Variants in PUM3 observed in about 807,000 individuals in gnomAD.
PUM3 encodes pumilio RNA binding family member 3.
A neutral mutation model predicts 84.0 loss-of-function variants in PUM3; 91 were observed. That is an observed-to-expected ratio of 1.08 (90% CI 0.91 to 1.29). PUM3 has a LOEUF of 1.29. Ranked by LOEUF, PUM3 falls within the 50% of genes most tolerant of loss-of-function variation. PUM3 has a pLI of 0.00. For synonymous variants in PUM3, 321 were observed against 266.7 expected (o/e 1.20, Z -1.98); for missense variants, 1,067 against 767.5 (o/e 1.39, Z -4.61).
At chr9:2,814,431 G>A (rs57047501) in intron 13 of PUM3, among the ~76,000 whole-genome samples, 418 of 152,100 alleles carry the variant, frequency 2.7e-3, no homozygotes, top group African/African-American at 9.5e-3. Flanking sequence ...GGCTGGTCTC[G>A]AACTCCTAAC....
chr9:2,817,416 T>C (rs1821494572), intron 13 of PUM3, among the ~76,000 whole-genome samples: 1 of 152,138 alleles, frequency 6.6e-6, no homozygotes, highest in Non-Finnish European at 1.5e-5. Context: ...CAAGAATACA[T>C]GATAGGACCA....
chr9:2,841,214 G>A (rs1000570036), intron 1 of PUM3, among the ~76,000 whole-genome samples: 3 of 152,196 alleles, frequency 2.0e-5, no homozygotes, highest in East Asian at 3.9e-4. Context: ...CCTGTACCCC[G>A]TGAGAAATAA....
chr9:2,805,310 G>C (rs1821237637), intron 17 of PUM3, among the ~76,000 whole-genome samples: 1 of 152,192 alleles, frequency 6.6e-6, no homozygotes, highest in Admixed American at 6.5e-5. Flanking sequence ...AGGAGCCATA[G>C]AGGCTGGTAA....
At chr9:2,830,141 T>C (rs1182689870) in intron 7 of PUM3, among the ~76,000 whole-genome samples, 193 bp from the exon 8 acceptor site, 1 of 152,108 alleles carries the variant, frequency 6.6e-6, no homozygotes, top group Non-Finnish European at 1.5e-5. Flanking sequence ...TATTAAACTG[T>C]TCTGCTCGAA....
In PUM3 at chr9:2,812,370, A is replaced by T. The variant is rs184570903; in HGVS notation, c.1270-8T>A. The T allele has an allele frequency of 1.3e-6, 2 of 1,524,734 alleles. No individual in the cohort carries two copies. Among genetic ancestry groups the T allele is most frequent in the Non-Finnish European group, 1.8e-6 (2 of 1,114,544 alleles). The allele number at this position is 1,524,734 out of a possible 1,614,324, so 94.5% of individuals were successfully genotyped here. On this transcript the variant is annotated splice_polypyrimidine_tract_variant and splice_region_variant and intron_variant, in intron 13 of 17. Coordinates refer to ENST00000397885, the MANE Select transcript of PUM3 (RefSeq NM_014878.5). ...CAATGAACTGATAATTTCCTATAAAATTATAAACAAAAAAAAAGAATCAAT... is the reference window on the plus strand; with the variant it reads ...CAATGAACTGATAATTTCCTATAAATTTATAAACAAAAAAAAAGAATCAAT...
chr9:2,822,823 A>C (rs1345232025), intron 12 of PUM3, among the ~76,000 whole-genome samples: 1 of 150,340 alleles, frequency 6.7e-6, no homozygotes, highest in African/African-American at 2.4e-5. Flanking sequence ...TGAATTATAA[A>C]AAATATGAGA....
rs755513949 is a variant in PUM3, at chr9:2,811,409, G to A, written c.1587C>T (p.Ile529=). The stretch of plus-strand genomic sequence containing the variant: ...GCAGTCCTGTTGCTGCCAAGCTGGC[G>A]ATGGCATTCATGGTAGGCTGAACGT... ...TGDVQPTMNA[I]ASLAATGLHP... The change falls in exon 15 of 18, where the codon ATC becomes ATT. Residue 529 remains isoleucine (I), a synonymous_variant. Transcript: ENST00000397885. The A allele has an allele frequency of 8.7e-6, 14 of 1,614,122 alleles. No homozygotes were observed. The highest frequency in any genetic ancestry group is 4.0e-5 in the African/African-American group (3 of 75,018).
chr9:2,825,625 G>A (rs1387397714), intron 10 of PUM3, among the ~76,000 whole-genome samples: 1 of 152,034 alleles, frequency 6.6e-6, no homozygotes, highest in African/African-American at 2.4e-5. Flanking sequence ...TGGGGCTACA[G>A]GTGCCCGCCA....
chr9:2,837,153 T>C (rs1184479231), intron 3 of PUM3, 27 bp downstream of exon 3: 4 of 1,583,366 alleles, frequency 2.5e-6, no homozygotes, highest in Non-Finnish European at 3.5e-6. Flanking sequence ...CAGGCACTAG[T>C]TCAGGCATGA....
rs148383025 is a variant in PUM3, at chr9:2,824,796, C to T, written c.1055G>A (p.Arg352His). The change falls in exon 11 of 18, where the codon CGC becomes CAC. Residue 352 changes from arginine (R) to histidine (H), a missense_variant. Coordinates refer to ENST00000397885, the MANE Select transcript of PUM3 (RefSeq NM_014878.5). ...KLRSEMIEAI[R>H]EAVVYLAHTH... ...GTGTGCCAGGTAGACCACCGCTTCG[C>T]GGATGGCTTCAATCATTTCCTAGGG... is the stretch of plus-strand genomic sequence containing the variant. The T allele has an allele frequency of 1.4e-4, 227 of 1,571,948 alleles. No homozygotes were observed. The highest frequency in any genetic ancestry group is 1.3e-4 in the South Asian group (11 of 85,810).
intron 1 of PUM3, among the ~76,000 whole-genome samples, chr9:2,843,811 C>A (rs1319313045): frequency 1.3e-5 from 2 of 151,976 alleles, no homozygotes; most frequent in Non-Finnish European, 2.9e-5. Flanking sequence ...ATCTCCTGAC[C>A]TTGTGATCCG....
Position 2,811,432 on chromosome 9 carries a change from C to T in PUM3, c.1564G>A (p.Val522Ile), listed in dbSNP as rs377439229. 2.0e-5 allele frequency: 32 copies of T among 1,614,040 alleles called. No homozygotes were observed. The East Asian group carries it at 5.8e-4, about 29-fold the overall frequency. The change falls in exon 15 of 18, where the codon GTT (valine) becomes ATT (isoleucine). Residue 522 changes from valine (V) to isoleucine (I), a missense_variant. Physicochemically the swap from Val to Ile is conservative, Grantham distance 29. Coordinates refer to ENST00000397885, the MANE Select transcript of PUM3 (RefSeq NM_014878.5). ...SDILGSATGD[V>I]QPTMNAIASL... is the part of the protein sequence containing the mutation. ...GCGATGGCATTCATGGTAGGCTGAA[C>T]GTCTCCAGTGGCAGATCCCAGAATG...
At chr9:2,835,827 G>C (rs1816105803) in intron 3 of PUM3, among the ~76,000 whole-genome samples, 1 of 152,110 alleles carries the variant, frequency 6.6e-6, no homozygotes, top group Non-Finnish European at 1.5e-5. Flanking sequence ...ATGAAATCCA[G>C]AGTCCCATTT....
intron 5 of PUM3, 37 bp from the exon 6 acceptor site, chr9:2,831,381 T>G (rs1007165507): frequency 7.9e-7 from 1 of 1,270,240 alleles, no homozygotes; most frequent in Non-Finnish European, 1.1e-6. Flanking sequence ...AATTCTCTTT[T>G]GAGACTTATG....
intron 13 of PUM3, among the ~76,000 whole-genome samples, chr9:2,816,718 T>C (rs1012534584): frequency 4.6e-5 from 7 of 152,116 alleles, no homozygotes; most frequent in African/African-American, 1.7e-4. Flanking sequence ...GTTTGCAGGT[T>C]TGTGAGCCCT....
intron 3 of PUM3, among the ~76,000 whole-genome samples, chr9:2,835,310 T>G (rs1044587157): frequency 1.5e-4 from 23 of 152,026 alleles, no homozygotes; most frequent in African/African-American, 5.3e-4. Context: ...CCCAGCTACT[T>G]GGGAGGCTGA....
chr9:2,831,892 G>A (rs1009585314), intron 5 of PUM3, among the ~76,000 whole-genome samples: 6 of 152,006 alleles, frequency 3.9e-5, no homozygotes, highest in Admixed American at 1.3e-4. Flanking sequence ...TATAATTCCT[G>A]CACATATATC....
At chr9:2,810,589 A>AT (rs1488944645) in intron 15 of PUM3, among the ~76,000 whole-genome samples, 158 bp from the exon 16 acceptor site, 1 of 152,218 alleles carries the variant, frequency 6.6e-6, no homozygotes, top group Non-Finnish European at 1.5e-5. Flanking sequence ...GACAACCATC[A>AT]TACTTGGGGG....
chr9:2,824,097 A>C (rs1168314353), intron 11 of PUM3, among the ~76,000 whole-genome samples: 1 of 152,166 alleles, frequency 6.6e-6, no homozygotes, highest in African/African-American at 2.4e-5. Flanking sequence ...GCCACCTTTC[A>C]CAGTGAGACC....
Sources: gnomAD v4.1 joint callset for allele counts (sites outside exome capture counted in the v4.1 genomes callset) on GRCh38, gnomAD v4.1.1 for gene constraint, MANE v1.5 for transcripts, NCBI Gene and HGNC (gene_info 2026-07-23, HGNC 2026-07-21) for gene names.